The following ROBO2 variants were observed in gnomAD, a reference collection of about 807,000 sequenced individuals.
ROBO2 encodes the protein roundabout homolog 2.
A neutral mutation model predicts 160.8 loss-of-function variants in ROBO2; 53 were observed. The observed-to-expected ratio is 0.33, with a 90% CI of 0.26 to 0.41. The LOEUF is 0.41. ROBO2 is among the 10% of genes least tolerant of loss of function. The pLI is 1.00. For missense variants in ROBO2, 1,577 were observed against 1,722.4 expected, an observed-to-expected ratio of 0.92 and a Z score of 1.49; for synonymous variants, 664 against 611.7, an observed-to-expected ratio of 1.09 and a Z score of -1.26.
intron 2 of ROBO2, among the ~76,000 whole-genome samples, chr3:76,366,821 T>C (rs745840353): frequency 3.9e-5 from 6 of 151,966 alleles, no homozygotes; most frequent in Admixed American, 6.6e-5. Context: ...AGCAGAGAAA[T>C]AATAATTAAT....
intron 2 of ROBO2, among the ~76,000 whole-genome samples, chr3:77,001,295 C>T (rs528563351): frequency 1.3e-5 from 2 of 152,140 alleles, no homozygotes; most frequent in Admixed American, 6.6e-5. Context: ...GCTGCAAAAC[C>T]ATCAGTTTAC....
At chr3:76,357,402 G>T in intron 2 of ROBO2, among the ~76,000 whole-genome samples, 1 of 151,920 alleles carries the variant, frequency 6.6e-6, no homozygotes, top group Middle Eastern at 3.4e-3. Flanking sequence ...CAACAATATC[G>T]ATGAACCTCA....
chr3:77,536,573 C>T, intron 6 of ROBO2, among the ~76,000 whole-genome samples: 1 of 152,016 alleles, frequency 6.6e-6, no homozygotes, highest in Admixed American at 6.6e-5. Context: ...TGTAACATGT[C>T]ACAACACAAT....
At chr3:75,977,926 A>T (rs970512047) in intron 2 of ROBO2, among the ~76,000 whole-genome samples, 1 of 151,582 alleles carries the variant, frequency 6.6e-6, no homozygotes, top group Non-Finnish European at 1.5e-5. Flanking sequence ...TGAACTTTTC[A>T]ATTTAGAGAC....
chr3:77,264,576 G>A (rs1560377297), intron 2 of ROBO2, among the ~76,000 whole-genome samples: 2 of 152,036 alleles, frequency 1.3e-5, no homozygotes, highest in Admixed American at 1.3e-4. Context: ...TGTCTGCCAG[G>A]AAGAGAAATA....
intron 2 of ROBO2, among the ~76,000 whole-genome samples, chr3:76,877,226 T>G (rs984769307): frequency 6.6e-6 from 1 of 152,200 alleles, no homozygotes; most frequent in African/African-American, 2.4e-5. Context: ...AGACCAGTTT[T>G]TAATATTAGC....
chr3:77,577,301 G>C (rs901410962), intron 14 of ROBO2, among the ~76,000 whole-genome samples, 189 bp from the exon 16 acceptor site: 1 of 152,022 alleles, frequency 6.6e-6, no homozygotes, highest in Non-Finnish European at 1.5e-5. Flanking sequence ...TGTTCCATTT[G>C]CTTTAAATCT....
chr3:76,800,614 GA>G (rs2108845673), intron 2 of ROBO2, among the ~76,000 whole-genome samples: 2 of 152,166 alleles, frequency 1.3e-5, no homozygotes, highest in South Asian at 4.1e-4. Flanking sequence ...AACACATGTA[GA>G]AAAAGGTGCT....
chr3:77,304,640 G>A (rs920790402), intron 2 of ROBO2, among the ~76,000 whole-genome samples: 12 of 152,126 alleles, frequency 7.9e-5, no homozygotes, highest in African/African-American at 2.7e-4. Context: ...TCATTCTGTG[G>A]CACATACCGC....
chr3:77,624,702 T>C (rs2153707815), intron 23 of ROBO2, among the ~76,000 whole-genome samples: 1 of 152,282 alleles, frequency 6.6e-6, no homozygotes, highest in Non-Finnish European at 1.5e-5. Context: ...ACCAGTTACT[T>C]TGGGTTCTAA....
chr3:77,510,938 A>C (rs1415148603), intron 5 of ROBO2, among the ~76,000 whole-genome samples: 1 of 152,036 alleles, frequency 6.6e-6, no homozygotes, highest in Non-Finnish European at 1.5e-5. Context: ...CCAGATTTGC[A>C]TTAAGGCATG....
intron 1 of ROBO2, among the ~76,000 whole-genome samples, chr3:75,907,852 C>CGTGTGTGTGTGTGTGTGTGTGT (rs56058203): frequency 6.7e-6 from 1 of 148,570 alleles, no homozygotes; most frequent in African/African-American, 2.5e-5. Context: ...TAATCGTGTG[C>CGTGTGTGTGTGTGTGTGTGTGT]GTGTGTGTGT....
chr3:77,569,360 T>C (rs539893802), intron 13 of ROBO2, among the ~76,000 whole-genome samples: 1 of 152,160 alleles, frequency 6.6e-6, no homozygotes, highest in South Asian at 2.1e-4. Flanking sequence ...ATTTGGATTA[T>C]ACCCGTTCTG....
At chr3:76,305,576 T>C (rs981008234) in intron 2 of ROBO2, among the ~76,000 whole-genome samples, 2 of 151,518 alleles carry the variant, frequency 1.3e-5, no homozygotes, top group South Asian at 4.2e-4. Context: ...CTAGCCACCA[T>C]GGTAAAACCC....
intron 2 of ROBO2, among the ~76,000 whole-genome samples, chr3:76,757,352 A>T (rs1027937907): frequency 2.6e-5 from 4 of 151,866 alleles, no homozygotes; most frequent in Non-Finnish European, 5.9e-5. Context: ...AAATAAAGAG[A>T]GGAACGCCTT....
chr3:76,476,889 G>A (rs543939669), intron 2 of ROBO2, among the ~76,000 whole-genome samples: 2 of 152,296 alleles, frequency 1.3e-5, no homozygotes, highest in Admixed American at 1.3e-4. Context: ...CAAACTCCAA[G>A]TGACATCTAT....
chr3:76,932,873 C>T (rs761132147), intron 2 of ROBO2, among the ~76,000 whole-genome samples: 13 of 151,906 alleles, frequency 8.6e-5, no homozygotes, highest in African/African-American at 2.9e-4. Flanking sequence ...AGAAAATGGG[C>T]GCTCGGATAT....
chr3:76,931,107 A>G (rs1172473118), intron 2 of ROBO2, among the ~76,000 whole-genome samples: 1 of 152,222 alleles, frequency 6.6e-6, no homozygotes, highest in Non-Finnish European at 1.5e-5. Flanking sequence ...ATAAAGGAAC[A>G]AAGAGAAGGA....
chr3:76,724,735 A>C (rs267124), intron 2 of ROBO2, among the ~76,000 whole-genome samples: 26,861 of 152,158 alleles, frequency 0.18, 2,615 homozygotes, highest in Non-Finnish European at 0.22. Flanking sequence ...TAATCTCTGC[A>C]ACCTATAAAT....
Sources: allele counts gnomAD v4.1 joint callset (sites outside exome capture counted in the v4.1 genomes callset), GRCh38; gene constraint gnomAD v4.1.1; transcripts MANE v1.5; gene names NCBI Gene and HGNC (gene_info 2026-07-23, HGNC 2026-07-21).